Variants in DPY19L1 observed in about 807,000 individuals in gnomAD.
DPY19L1 encodes the protein dpy-19 like C-mannosyltransferase 1.
DPY19L1 carries 35 observed loss-of-function variants against 96.9 expected under a neutral mutation model. The observed-to-expected ratio is 0.36, with a 90% CI of 0.28 to 0.48. DPY19L1 has a LOEUF of 0.48. DPY19L1 is among the 20% of genes least tolerant of loss of function. DPY19L1 has a pLI of 0.99. For missense variants in DPY19L1, 521 were observed against 777.9 expected, an observed-to-expected ratio of 0.67 and a Z score of 3.93; for synonymous variants, 205 against 252.6, an observed-to-expected ratio of 0.81 and a Z score of 1.79.
intron 11 of DPY19L1, among the ~76,000 whole-genome samples, chr7:34,956,051 C>T (rs1784371706): frequency 1.3e-5 from 2 of 151,990 alleles, no homozygotes; most frequent in African/African-American, 4.8e-5. Flanking sequence ...TTTTTATACA[C>T]CAAAATATAT....
chr7:34,949,759 CA>C, intron 14 of DPY19L1, 37 bp downstream of exon 14: 2 of 1,367,402 alleles, frequency 1.5e-6, no homozygotes, highest in African/African-American at 1.5e-5. Context: ...ATGTATGGGC[CA>C]AAACCTTAGG....
intron 10 of DPY19L1, 125 bp downstream of exon 10, chr7:34,966,769 A>G: frequency 2.1e-6 from 2 of 941,516 alleles, no homozygotes; most frequent in South Asian, 1.8e-5. Flanking sequence ...TTATATCACA[A>G]TGTTTGAACA....
chr7:35,015,357 T>C (rs1785818134), intron 3 of DPY19L1, among the ~76,000 whole-genome samples: 1 of 152,200 alleles, frequency 6.6e-6, no homozygotes, highest in East Asian at 1.9e-4. Context: ...TTGGCAGGAC[T>C]GGTTTCACAA....
intron 6 of DPY19L1, among the ~76,000 whole-genome samples, chr7:35,001,722 G>A (rs1176788264): frequency 6.6e-6 from 1 of 152,028 alleles, no homozygotes; most frequent in Non-Finnish European, 1.5e-5. Context: ...ACAATTTAGA[G>A]CTTCTATACA....
At position 34,993,904 on chromosome 7, in the gene DPY19L1, CA is replaced by C. The variant is rs749626229; in HGVS notation, c.765-3964del. 5.6e-3 allele frequency among the ~76,000 whole-genome samples: 749 copies of C among 133,818 alleles called. 1 individual carries two copies. Among genetic ancestry groups the C allele is most frequent in the African/African-American group, 0.011 (405 of 36,284 alleles). The allele number at this position is 133,818 out of a possible 152,430, so 87.8% of individuals were successfully genotyped here. On this transcript the variant is annotated intron_variant, in intron 6 of 21. Transcript: ENST00000638088. ...ATGAAACACTATCTCTACGAAAATACAAAAAAAAAAAAAATTAGCCGTGTGG... is the reference window on the plus strand; with the variant it reads ...ATGAAACACTATCTCTACGAAAATACAAAAAAAAAAAAATTAGCCGTGTGG...
At chr7:34,993,961 G>A (rs962556306) in intron 6 of DPY19L1, among the ~76,000 whole-genome samples, 16 of 152,082 alleles carry the variant, frequency 1.1e-4, no homozygotes, top group African/African-American at 3.4e-4. Context: ...AGCTACTCAG[G>A]AGGCTGAGAG....
intron 6 of DPY19L1, among the ~76,000 whole-genome samples, chr7:34,998,439 G>C (rs1240014758): frequency 6.6e-6 from 1 of 152,220 alleles, no homozygotes. Flanking sequence ...AGGGGATGAA[G>C]TAAGGAAAAG....
intron 7 of DPY19L1, among the ~76,000 whole-genome samples, chr7:34,978,980 A>G (rs1056597846): frequency 6.6e-6 from 1 of 152,124 alleles, no homozygotes; most frequent in African/African-American, 2.4e-5. Flanking sequence ...ATACAATTTT[A>G]GCTCACACAG....
At chr7:34,992,424 C>T (rs1785190342) in intron 6 of DPY19L1, among the ~76,000 whole-genome samples, 1 of 152,086 alleles carries the variant, frequency 6.6e-6, no homozygotes, top group South Asian at 2.1e-4. Context: ...TGACTGTGAT[C>T]TGAGTCACAT....
At chr7:34,931,783 G>C (rs1783758307) in intron 21 of DPY19L1, 54 bp from the exon 22 acceptor site, 19 of 1,528,096 alleles carry the variant, frequency 1.2e-5, no homozygotes, top group Non-Finnish European at 1.5e-5. Flanking sequence ...TAACTGCAGA[G>C]AAAGCAGAGC....
At chr7:34,955,266 A>G (rs1011140585) in intron 12 of DPY19L1, 42 bp downstream of exon 12, 225 of 1,544,748 alleles carry the variant, frequency 1.5e-4, no homozygotes, top group Non-Finnish European at 1.9e-4. Context: ...GATATATTTT[A>G]GAGAAGAAAA....
At chr7:35,016,681 C>A (rs1051320026) in intron 3 of DPY19L1, among the ~76,000 whole-genome samples, 20 of 152,294 alleles carry the variant, frequency 1.3e-4, no homozygotes, top group Non-Finnish European at 2.9e-5. Flanking sequence ...AGTGAGACAA[C>A]CAGATATGAT....
At chr7:34,955,231 C>T (rs1310376318) in intron 12 of DPY19L1, 77 bp downstream of exon 12, 1 of 1,532,458 alleles carries the variant, frequency 6.5e-7, no homozygotes, top group Non-Finnish European at 8.9e-7. Context: ...AGATCATTTT[C>T]TTAAAAGTAA....
chr7:35,020,683 T>A (rs1274676090), intron 1 of DPY19L1, among the ~76,000 whole-genome samples: 4 of 152,218 alleles, frequency 2.6e-5, no homozygotes, highest in African/African-American at 4.8e-5. Flanking sequence ...TATAGTTTTT[T>A]AAACTTATCT....
At chr7:34,986,002 A>G (rs190556742) in intron 7 of DPY19L1, among the ~76,000 whole-genome samples, 3 of 152,160 alleles carry the variant, frequency 2.0e-5, no homozygotes, top group Admixed American at 2.0e-4. Flanking sequence ...ATGTCATTTG[A>G]GACACTATGA....
chr7:35,027,640 G>A (rs1463114418), intron 1 of DPY19L1, among the ~76,000 whole-genome samples: 5 of 131,004 alleles, frequency 3.8e-5, no homozygotes, highest in Middle Eastern at 3.8e-3. Flanking sequence ...AACCATCCCC[G>A]GCCAACATGG....
chr7:34,932,452 T>C (rs1248753164), intron 21 of DPY19L1, among the ~76,000 whole-genome samples: 1 of 152,234 alleles, frequency 6.6e-6, no homozygotes, highest in Admixed American at 6.5e-5. Flanking sequence ...AATGCTGTAC[T>C]GACACTGAAA....
intron 16 of DPY19L1, among the ~76,000 whole-genome samples, chr7:34,943,576 G>C (rs1309306291): frequency 6.6e-6 from 1 of 152,136 alleles, no homozygotes; most frequent in South Asian, 2.1e-4. Flanking sequence ...TAAAATTTAT[G>C]TCCTACTCTT....
At chr7:34,933,262 AC>A (rs929681896) in intron 21 of DPY19L1, among the ~76,000 whole-genome samples, 5 of 152,314 alleles carry the variant, frequency 3.3e-5, no homozygotes, top group South Asian at 2.1e-4. Context: ...TGTAAAGTGT[AC>A]CCAATGTGTA....
Sources: allele counts gnomAD v4.1 joint callset (sites outside exome capture counted in the v4.1 genomes callset), GRCh38; gene constraint gnomAD v4.1.1; transcripts MANE v1.5; gene names NCBI Gene and HGNC (gene_info 2026-07-23, HGNC 2026-07-21).